The following WDR27 variants were observed in gnomAD, a reference collection of about 807,000 sequenced individuals.
The protein encoded by WDR27 is WD repeat domain 27.
Under a neutral mutation model 114.4 loss-of-function variants are expected in WDR27, and 100 were observed. The observed-to-expected ratio is 0.87, with a 90% CI of 0.74 to 1.03. The LOEUF is 1.03. Ranked by LOEUF, WDR27 falls within the 50% of genes least tolerant of loss-of-function variation. The probability of loss-of-function intolerance (pLI) is 0.00; values close to 1 mark genes in which losing one functional copy is unlikely to be tolerated. For synonymous variants in WDR27, 449 were observed against 423.1 expected, an observed-to-expected ratio of 1.06 and a Z score of -0.75; for missense variants, 1,129 against 1,092.9, an observed-to-expected ratio of 1.03 and a Z score of -0.47.
intron 25 of WDR27, among the ~76,000 whole-genome samples, chr6:169,469,587 T>C (rs1468193651): frequency 6.6e-6 from 1 of 152,214 alleles, no homozygotes; most frequent in African/African-American, 2.4e-5. Context: ...CAAATGGGAA[T>C]TAGCGCTGCC....
chr6:169,693,600 C>T (rs1785057245), intron 1 of WDR27, among the ~76,000 whole-genome samples: 1 of 151,814 alleles, frequency 6.6e-6, no homozygotes, highest in Non-Finnish European at 1.5e-5. Flanking sequence ...TCATGTAACA[C>T]ATAAGAACTC....
chr6:169,663,380 G>A (rs1373065225), intron 8 of WDR27, among the ~76,000 whole-genome samples: 1 of 151,818 alleles, frequency 6.6e-6, no homozygotes, highest in Non-Finnish European at 1.5e-5. Context: ...CTAAAAGAAA[G>A]AATGAGTAAC....
intron 25 of WDR27, among the ~76,000 whole-genome samples, chr6:169,546,799 A>G (rs1284392262): frequency 1.3e-5 from 2 of 152,190 alleles, no homozygotes; most frequent in Non-Finnish European, 2.9e-5. Context: ...CTAATCAACA[A>G]TAACTGTACT....
intron 25 of WDR27, among the ~76,000 whole-genome samples, chr6:169,522,070 T>A (rs1454421452): frequency 6.6e-6 from 1 of 152,058 alleles, no homozygotes; most frequent in African/African-American, 2.4e-5. Context: ...ATGACCCAAC[T>A]ATATGCTGCC....
At chr6:169,576,021 A>G (rs1027249565) in intron 24 of WDR27, among the ~76,000 whole-genome samples, 4 of 151,714 alleles carry the variant, frequency 2.6e-5, no homozygotes, top group Admixed American at 2.6e-4. Flanking sequence ...CGTGTCTGAT[A>G]ACCATGACTG....
chr6:169,583,007 A>T (rs1038257079), intron 23 of WDR27, 73 bp from the exon 24 acceptor site: 1 of 1,323,950 alleles, frequency 7.6e-7, no homozygotes, highest in African/African-American at 1.4e-5. Context: ...GGCAGAGCAG[A>T]GGGACCATCT....
intron 24 of WDR27, among the ~76,000 whole-genome samples, chr6:169,581,332 C>T (rs906650683): frequency 6.6e-6 from 1 of 152,154 alleles, no homozygotes; most frequent in South Asian, 2.1e-4. Context: ...CCACCGCCCA[C>T]CCTGCTGGGT....
intron 25 of WDR27, among the ~76,000 whole-genome samples, chr6:169,474,155 A>G (rs185664687): frequency 2.6e-5 from 4 of 152,364 alleles, no homozygotes; most frequent in Admixed American, 2.6e-4. Context: ...TATGCTGTCT[A>G]TGTGATTTAA....
At chr6:169,483,947 CA>C (rs1179873921) in intron 25 of WDR27, among the ~76,000 whole-genome samples, 2 of 151,500 alleles carry the variant, frequency 1.3e-5, no homozygotes, top group African/African-American at 4.9e-5. Context: ...CAATAGATGC[CA>C]AAAAGACTTT....
rs1299728084 is a variant in WDR27, at chr6:169,659,626, C to G, written c.1130-108G>C. 2 of 1,003,808 alleles carry G rather than the reference C, an allele frequency of 2.0e-6. No homozygotes were observed. The highest frequency in any genetic ancestry group is 2.6e-5 in the East Asian group (1 of 38,048). The allele number at this position is 1,003,808 out of a possible 1,614,324, so 62.2% of individuals were successfully genotyped here. ...CACACAGCCCAGAGCCCACCACACA[C>G]AGTCCAGGCCCCACCACACACTTTG... On this transcript the variant is annotated intron_variant, in intron 10 of 25. Coordinates refer to ENST00000448612, the MANE Select transcript of WDR27 (RefSeq NM_182552.5). The surrounding 1 kb of genome is among the most constrained non-coding windows in gnomAD (Gnocchi z 4.3).
rs118058225 is a variant in WDR27 at position 169,507,386 on chromosome 6, G to T, written c.2646-49752C>A. On this transcript the variant is annotated intron_variant, in intron 25 of 25. Transcript: ENST00000448612. ...CCACAGTGGTTCTGGGCACACGGCT[G>T]GGCACGCTCTGCTTCATAGATGTTC... Among the ~76,000 whole-genome samples the T allele has an allele frequency of 9.7e-4, 148 of 152,312 alleles. 6 individuals carry two copies. The East Asian group carries it at 0.023, about 24-fold the overall frequency.
At chr6:169,515,447 A>C (rs1043768001) in intron 25 of WDR27, among the ~76,000 whole-genome samples, 5 of 152,226 alleles carry the variant, frequency 3.3e-5, no homozygotes, top group African/African-American at 1.2e-4. Flanking sequence ...TACAGATCTT[A>C]TTGGGACAAA....
At chr6:169,542,020 A>G (rs1256147396) in intron 25 of WDR27, among the ~76,000 whole-genome samples, 1 of 152,166 alleles carries the variant, frequency 6.6e-6, no homozygotes, top group Non-Finnish European at 1.5e-5. Flanking sequence ...TTCATAGGAA[A>G]GGGGTATAGA....
In WDR27 at chr6:169,535,731, G is replaced by A. The variant is rs536727647; in HGVS notation, c.2645+36688C>T. 9.2e-5 allele frequency among the ~76,000 whole-genome samples: 14 copies of A among 152,264 alleles called. No homozygotes were observed. In the South Asian group the frequency reaches 1.5e-3, roughly 16 times the overall value. On this transcript the variant is annotated intron_variant, in intron 25 of 25. Coordinates refer to ENST00000448612, the MANE Select transcript of WDR27 (RefSeq NM_182552.5). Reference sequence around the variant, plus strand: ...AAGCTCCACTTTCATAAAGTATGTGGACCACAGAACTTGGTAAGTCAGACA... The same window carrying A: ...AAGCTCCACTTTCATAAAGTATGTGAACCACAGAACTTGGTAAGTCAGACA...
At position 169,657,949 on chromosome 6, in the gene WDR27, G is replaced by GA. The variant is rs530918167; in HGVS notation, c.1402+326dup. ...AAATTCCTCAGCAGAGAAAAAAGGG[G>GA]AAAAAAATGTTCTCACAATCAGTAA... On this transcript the variant is annotated intron_variant, in intron 13 of 25. Coordinates refer to ENST00000448612, the MANE Select transcript of WDR27 (RefSeq NM_182552.5). 712 of 218,446 alleles carry GA rather than the reference G, an allele frequency of 3.3e-3. 1 individual carries two copies. Among genetic ancestry groups the GA allele is most frequent in the African/African-American group, 0.015 (687 of 45,470 alleles). The allele number at this position is 218,446 out of a possible 1,614,324, so 13.5% of individuals were successfully genotyped here. A position where few individuals can be genotyped will look rare whatever the true frequency, so the allele number is the denominator to read the frequency against.
At chr6:169,488,938 G>A (rs1483638954) in intron 25 of WDR27, among the ~76,000 whole-genome samples, 1 of 137,250 alleles carries the variant, frequency 7.3e-6, no homozygotes, top group East Asian at 2.0e-4. Context: ...TGGCACATTT[G>A]ATGCCCCCTT....
At chr6:169,520,192 AT>A (rs1562526044) in intron 25 of WDR27, among the ~76,000 whole-genome samples, 1 of 152,104 alleles carries the variant, frequency 6.6e-6, no homozygotes, top group African/African-American at 2.4e-5. Context: ...GGTTTATTCC[AT>A]TACTCCCCAG....
At chr6:169,598,068 T>C (rs1197223682) in intron 23 of WDR27, among the ~76,000 whole-genome samples, 1 of 152,122 alleles carries the variant, frequency 6.6e-6, no homozygotes, top group African/African-American at 2.4e-5. Flanking sequence ...GTTTGTGTAG[T>C]AGTTCTGATA....
chr6:169,621,269 T>TAC (rs146516854), intron 21 of WDR27, among the ~76,000 whole-genome samples: 281 of 150,706 alleles, frequency 1.9e-3, no homozygotes, highest in African/African-American at 4.1e-3. Context: ...CATTCATGCA[T>TAC]ACACACACAC....
Sources: gnomAD v4.1 joint callset for allele counts (sites outside exome capture counted in the v4.1 genomes callset) on GRCh38, gnomAD v4.1.1 for gene constraint, Gnocchi (gnomAD v3.1) non-coding constraint, MANE v1.5 for transcripts, NCBI Gene and HGNC (gene_info 2026-07-23, HGNC 2026-07-21) for gene names.